SARS2: variants seen among roughly 807,000 people sequenced by gnomAD.
SARS2 encodes seryl-tRNA synthetase 2, mitochondrial, also known as serine--tRNA ligase, mitochondrial.
SARS2 carries 52 observed loss-of-function variants against 66.8 expected under a neutral mutation model. That is an observed-to-expected ratio of 0.78 (90% confidence interval 0.62 to 0.98). The LOEUF (loss-of-function observed/expected upper bound fraction) is 0.98, where lower values mean the gene tolerates loss of function less well. SARS2 is among the 50% of genes least tolerant of loss of function. The probability of loss-of-function intolerance (pLI) is 0.00; values close to 1 mark genes in which losing one functional copy is unlikely to be tolerated. For missense variants in SARS2, 673 were observed against 706.3 expected (o/e 0.95, Z 0.53); for synonymous variants, 306 against 281.4 (o/e 1.09, Z -0.87).
rs143316017 is a variant in SARS2, at chr19:38,915,644, G to A, written c.1519C>T (p.Arg507Trp). ...GGCTGGCCAGGCAGCCCAGGCTTCC[G>A]GGGCTGGTTGGGGCCGATGTACTGG... The part of the protein sequence containing the change: ...PLQYIGPNQP[R>W]KPGLPGQPAV... Residue 507 changes from arginine (R) to tryptophan (W), a missense_variant, in exon 16 of 16, where the codon CGG (arginine) becomes TGG (tryptophan). By Grantham distance (101) the Arg-to-Trp change is moderately radical. Coordinates refer to ENST00000221431, the MANE Select transcript of SARS2 (RefSeq NM_017827.4). The A allele has an allele frequency of 1.6e-5, 25 of 1,610,686 alleles. No homozygotes were observed. Among genetic ancestry groups the A allele is most frequent in the Middle Eastern group, 3.5e-4 (2 of 5,698 alleles).
At chr19:38,929,003 G>A (rs1974678240) in intron 1 of SARS2, among the ~76,000 whole-genome samples, 1 of 152,204 alleles carries the variant, frequency 6.6e-6, no homozygotes, top group African/African-American at 2.4e-5. Context: ...GATCACTTGA[G>A]GTCAAGAGTT....
intron 2 of SARS2, among the ~76,000 whole-genome samples, chr19:38,924,515 G>A (rs2144777135): frequency 6.6e-6 from 1 of 152,258 alleles, no homozygotes; most frequent in South Asian, 2.1e-4. Flanking sequence ...GCCCGAGGCT[G>A]GCCACTCAGT....
At chr19:38,923,282 G>T (rs1372829957) in intron 2 of SARS2, among the ~76,000 whole-genome samples, 1 of 136,786 alleles carries the variant, frequency 7.3e-6, no homozygotes, top group South Asian at 2.4e-4. Context: ...AGTGCAGTGG[G>T]GGGATCTCGG....
intron 1 of SARS2, among the ~76,000 whole-genome samples, chr19:38,926,736 A>C (rs1284751296): frequency 1.3e-5 from 2 of 152,124 alleles, no homozygotes; most frequent in African/African-American, 2.4e-5. Flanking sequence ...CACTGAGCTG[A>C]GATCGTGCCA....
intron 12 of SARS2, among the ~76,000 whole-genome samples, chr19:38,917,254 C>G (rs1974433833): frequency 6.6e-6 from 1 of 152,206 alleles, no homozygotes; most frequent in African/African-American, 2.4e-5. Flanking sequence ...GCCACCACAC[C>G]CGGCTTACGC....
chr19:38,917,313 A>G (rs901777298), intron 12 of SARS2, among the ~76,000 whole-genome samples: 1 of 152,236 alleles, frequency 6.6e-6, no homozygotes, highest in Non-Finnish European at 1.5e-5. Flanking sequence ...CACATTTCTC[A>G]GCCTCTCTTG....
chr19:38,918,451 AG>A lies in SARS2; in HGVS notation c.886del (p.Leu296TrpfsTer61). ...IDPARFKDLN[L>X]AGTAEVGLAG... is the part of the protein sequence containing the mutation. ...AAGCCCCACCTCCGCTGTTCCAGCC[AG>A]GTTGAGATCTTTGAAGCGGGCAGGG... On this transcript the variant is annotated frameshift_variant, in exon 9 of 16. Coordinates refer to ENST00000221431, the MANE Select transcript of SARS2 (RefSeq NM_017827.4). LOFTEE classifies it high-confidence loss of function. The A allele has an allele frequency of 6.2e-7, 1 of 1,614,194 alleles. No homozygotes were observed. Among genetic ancestry groups the A allele is most frequent in the Non-Finnish European group, 8.5e-7 (1 of 1,180,002 alleles).
chr19:38,919,986 G>A, intron 6 of SARS2, 100 bp downstream of exon 6: 7 of 1,376,318 alleles, frequency 5.1e-6, no homozygotes, highest in Non-Finnish European at 7.1e-6. Context: ...AAAGATTCAT[G>A]GCATTTCCAC....
chr19:38,915,978 T>C, intron 14 of SARS2, 59 bp downstream of exon 14: 1 of 1,611,972 alleles, frequency 6.2e-7, no homozygotes, highest in Non-Finnish European at 8.5e-7. Context: ...GGTGGGTGGG[T>C]CTAGGGCGGC....
At chr19:38,926,423 G>A (rs1706888732) in intron 1 of SARS2, 123 bp from the exon 2 acceptor site, 2 of 819,630 alleles carry the variant, frequency 2.4e-6, no homozygotes, top group Non-Finnish European at 4.0e-6. Context: ...GCCCTCAGTG[G>A]CCATCCTCCC....
chr19:38,920,964 G>GAC (rs1395028728), intron 5 of SARS2, among the ~76,000 whole-genome samples: 6 of 88,894 alleles, frequency 6.7e-5, no homozygotes, highest in Non-Finnish European at 1.1e-4. Context: ...CACAGACACA[G>GAC]ATACAGACAC....
In SARS2 at chr19:38,926,254, C is replaced by T. The variant is rs752115040; in HGVS notation, c.314G>A (p.Ser105Asn). 1 of 1,606,240 alleles carries T rather than the reference C, an allele frequency of 6.2e-7. No individual in the cohort carries two copies. The highest frequency in any genetic ancestry group is 1.7e-5 in the Admixed American group (1 of 60,026). Residue 105 changes from serine to asparagine, a missense_variant, in exon 2 of 16, where the codon AGC (serine) becomes AAC (asparagine). By Grantham distance (46) the Ser-to-Asn change is conservative. Coordinates refer to ENST00000221431, the MANE Select transcript of SARS2 (RefSeq NM_017827.4). ...CACAGCTGCCTTCTCTTCCTCCAGG[C>T]TCCGGATCTGCTCCTGCAGCTGCCT... The part of the protein sequence containing the change: ...ELRQLQEQIR[S>N]LEEEKAAVTE...
chr19:38,918,053 T>C, intron 10 of SARS2, 41 bp downstream of exon 10: 1 of 1,603,438 alleles, frequency 6.2e-7, no homozygotes, highest in Non-Finnish European at 8.5e-7. Flanking sequence ...GAAGACTGAT[T>C]GTCACAGGTG....
chr19:38,919,963 G>C (rs548738452), intron 6 of SARS2, 96 bp from the exon 7 acceptor site: 1 of 1,369,682 alleles, frequency 7.3e-7, no homozygotes, highest in African/African-American at 1.4e-5. Flanking sequence ...CTGCTGGGTG[G>C]GGCTGGGGCA....
intron 1 of SARS2, among the ~76,000 whole-genome samples, chr19:38,926,607 G>A (rs1425293914): frequency 6.6e-6 from 1 of 151,698 alleles, no homozygotes; most frequent in Non-Finnish European, 1.5e-5. Flanking sequence ...TCAACATGGT[G>A]AAACCCCATC....
chr19:38,916,305 A>AT lies in SARS2; in HGVS notation c.1169dup (p.Asp390GlufsTer16). On this transcript the variant is annotated frameshift_variant, in exon 13 of 16. Coordinates refer to ENST00000221431, the MANE Select transcript of SARS2 (RefSeq NM_017827.4). LOFTEE classifies it high-confidence loss of function. ...GGAGGCCCAGTTCTTGGGTGGGCAT[A>AT]TCCAGGACCCTGCGGTCAAGGACGA... 6.2e-7 allele frequency: 1 copy of AT among 1,614,070 alleles called. No individual in the cohort carries two copies. The highest frequency in any genetic ancestry group is 1.1e-5 in the South Asian group (1 of 91,090).
chr19:38,926,198 T>G lies in SARS2; in HGVS notation c.363+7A>C, dbSNP rs1359859113. 6.2e-7 allele frequency: 1 copy of G among 1,604,246 alleles called. No homozygotes were observed. The highest frequency in any genetic ancestry group is 1.7e-5 in the Admixed American group (1 of 60,022). ...CACTCCCCACCTACTCAGGGCACCA[T>G]GCTCACCAGCAGGGCCCGCACTGCC... On this transcript the variant is annotated splice_region_variant and intron_variant, in intron 2 of 15. Transcript: ENST00000221431.
In SARS2 at chr19:38,930,717, C is replaced by G; in HGVS notation, c.20G>C (p.Arg7Pro). Residue 7 changes from arginine to proline, a missense_variant, in exon 1 of 16, where the codon CGG becomes CCG. Coordinates refer to ENST00000221431, the MANE Select transcript of SARS2 (RefSeq NM_017827.4). ...ACGAGTCAGCAAAGGCCACAAGCGC[C>G]GCGCCATGGACGCAGCCATCTTGGA... MAASMA[R>P]RLWPLLTRRG... 6.2e-7 allele frequency: 1 copy of G among 1,613,564 alleles called. No individual in the cohort carries two copies. The highest frequency in any genetic ancestry group is 8.5e-7 in the Non-Finnish European group (1 of 1,180,028).
chr19:38,916,013 G>A, intron 14 of SARS2, 24 bp downstream of exon 14: 1 of 1,612,786 alleles, frequency 6.2e-7, no homozygotes, highest in Non-Finnish European at 8.5e-7. Context: ...AGGGCACGCG[G>A]GCAGGAGGCT....
Sources: gnomAD v4.1 joint callset for allele counts (sites outside exome capture counted in the v4.1 genomes callset) on GRCh38, gnomAD v4.1.1 for gene constraint, MANE v1.5 for transcripts, NCBI Gene and HGNC (gene_info 2026-07-23, HGNC 2026-07-21) for gene names.